Variants in TADA2A observed in about 807,000 individuals in gnomAD.
TADA2A encodes transcriptional adaptor 2A, also known as transcriptional adapter 2-alpha.
TADA2A carries 38 observed loss-of-function variants against 67.4 expected under a neutral mutation model. That is an observed-to-expected ratio of 0.56 (90% confidence interval 0.44 to 0.74). TADA2A has a LOEUF of 0.74. Among genes scored for constraint, TADA2A ranks in the 30% least tolerant of loss-of-function variants. The pLI, the probability that TADA2A is intolerant of heterozygous loss-of-function variation, is 0.00. For missense variants in TADA2A, 454 were observed against 547.0 expected (o/e 0.83, Z 1.70); for synonymous variants, 192 against 181.6 (o/e 1.06, Z -0.46).
chr17:37,432,925 A>ATTTTTTTTTTTTTTTT (rs1046006991), intron 4 of TADA2A, among the ~76,000 whole-genome samples: 1 of 52,208 alleles, frequency 1.9e-5, no homozygotes, highest in African/African-American at 7.4e-5. Flanking sequence ...TGGTATTACA[A>ATTTTTTTTTTTTTTTT]TTTTTTTTTT....
chr17:37,444,013 G>A (rs853200), intron 7 of TADA2A, among the ~76,000 whole-genome samples: 30,319 of 151,910 alleles, frequency 0.2, 3,452 homozygotes, highest in East Asian at 0.54. Context: ...TGAGGCAGGC[G>A]GATTGCTTGA....
chr17:37,469,880 T>A (rs2053748592), intron 12 of TADA2A, among the ~76,000 whole-genome samples: 1 of 152,208 alleles, frequency 6.6e-6, no homozygotes, highest in African/African-American at 2.4e-5. Flanking sequence ...TTTAGCAAGA[T>A]GCATATAGAG....
intron 8 of TADA2A, among the ~76,000 whole-genome samples, 162 bp downstream of exon 8, chr17:37,444,930 C>A (rs182815275): frequency 2.6e-5 from 4 of 152,124 alleles, no homozygotes; most frequent in Admixed American, 1.3e-4. Context: ...TGGATTTTGA[C>A]CACAGTGAAT....
rs186404158 is a variant in TADA2A at position 37,447,208 on chromosome 17, C to T, written c.604+2440C>T. Among the ~76,000 whole-genome samples, 27 of 152,282 alleles carry T rather than the reference C, an allele frequency of 1.8e-4. 1 individual carries two copies. The South Asian group carries it at 3.7e-3, about 21-fold the overall frequency. On this transcript the variant is annotated intron_variant, in intron 8 of 15. Transcript: ENST00000615182. The stretch of plus-strand genomic sequence containing the variant: ...ACAGACTCTCACCTTGTTAGCCAGG[C>T]GGGAGCGCAGTAGCGTGATCTTGGC...
chr17:37,422,481 G>GATTATTATTATTATTATTATT (rs60163170), intron 2 of TADA2A, among the ~76,000 whole-genome samples: 150 of 136,986 alleles, frequency 1.1e-3, no homozygotes, highest in Admixed American at 2.5e-3. Context: ...ATGCCCAGCT[G>GATTATTATTATTATTATTATT]ATTATTATTA....
chr17:37,423,392 C>A, intron 2 of TADA2A, 117 bp from the exon 3 acceptor site: 1 of 752,442 alleles, frequency 1.3e-6, no homozygotes, highest in Non-Finnish European at 2.1e-6. Flanking sequence ...ATCTTGTCTC[C>A]ATGAACTTTT....
chr17:37,427,086 TTTC>T (rs1362517817), intron 4 of TADA2A, 77 bp downstream of exon 4: 8 of 1,315,970 alleles, frequency 6.1e-6, no homozygotes, highest in Non-Finnish European at 7.3e-6. Context: ...CTTTTCCATT[TTTC>T]TTTAAGCTCT....
At position 37,445,697 on chromosome 17, in the gene TADA2A, C is replaced by G. The variant is rs371188305; in HGVS notation, c.604+929C>G. Among the ~76,000 whole-genome samples the G allele has an allele frequency of 1.1e-3, 172 of 151,288 alleles. 4 individuals are homozygous for G. The South Asian group carries it at 0.035, about 31-fold the overall frequency. On this transcript the variant is annotated intron_variant, in intron 8 of 15. Transcript: ENST00000615182. ...TAGACTTTGAGTCCCTTTTTTCCTT[C>G]TTTCCATTTTCAGTGAACTACATAC...
chr17:37,458,637 TTGTG>T (rs55935249), intron 9 of TADA2A, 50 bp downstream of exon 9: 203,381 of 955,446 alleles, frequency 0.21, 17,599 homozygotes, highest in East Asian at 0.44. Flanking sequence ...GATTATTGTT[TTGTG>T]TGTGTGTGTG....
Position 37,479,063 on chromosome 17 carries a change from C to T in TADA2A, c.*2081C>T, listed in dbSNP as rs2053941501. The T allele has an allele frequency of 1.3e-5, 2 of 152,100 alleles. No individual in the cohort carries two copies. The highest frequency in any genetic ancestry group is 6.5e-5 in the Admixed American group (1 of 15,274). 9.4% of individuals were successfully genotyped at this position (152,100 alleles called of 1,614,324 possible). A position where few individuals can be genotyped will look rare whatever the true frequency, so the allele number is the denominator to read the frequency against. ...TGCATTAGCCATCAGTGTTAGGTGA[C>T]GTCTGTTGTAGTCTGAAGAGTCCTT... On this transcript the variant is annotated 3_prime_UTR_variant, in exon 16 of 16. Transcript: ENST00000615182.
chr17:37,430,519 T>A (rs2052538918), intron 4 of TADA2A, among the ~76,000 whole-genome samples: 1 of 152,226 alleles, frequency 6.6e-6, no homozygotes, highest in Admixed American at 6.5e-5. Context: ...TATGCCTATT[T>A]TTGTCTTGTA....
At chr17:37,437,592 G>C in intron 4 of TADA2A, 146 bp from the exon 5 acceptor site, 1 of 611,008 alleles carries the variant, frequency 1.6e-6, no homozygotes, top group South Asian at 1.9e-5. Flanking sequence ...TCACCATATT[G>C]GCCAGGCTGG....
At chr17:37,431,117 G>C (rs1250103283) in intron 4 of TADA2A, among the ~76,000 whole-genome samples, 1 of 151,984 alleles carries the variant, frequency 6.6e-6, no homozygotes, top group South Asian at 2.1e-4. Flanking sequence ...GACCTCCTGT[G>C]TGGTCTTCAG....
At chr17:37,426,666 A>G (rs1310944487) in intron 3 of TADA2A, 10 of 83,918 alleles carry the variant, frequency 1.2e-4, no homozygotes, top group Middle Eastern at 6.3e-3. Context: ...TCCGTCTCAG[A>G]AAAAAAAAAA....
intron 4 of TADA2A, among the ~76,000 whole-genome samples, chr17:37,429,923 G>T (rs853222): frequency 0.2 from 30,399 of 152,150 alleles, 3,475 homozygotes; most frequent in East Asian, 0.55. Flanking sequence ...CAAAGTAGCT[G>T]TGGATTTGAG....
rs139472839 is a variant in TADA2A, at chr17:37,474,645, G to C, written c.1146+16G>C. 2.5e-4 allele frequency: 402 copies of C among 1,605,352 alleles called. 3 individuals are homozygous for C. The African/African-American group carries it at 4.4e-3, about 17-fold the overall frequency. On this transcript the variant is annotated intron_variant, in intron 15 of 15. Coordinates refer to ENST00000615182, the MANE Select transcript of TADA2A (RefSeq NM_001166105.3). ...AGAAAAGGAGGTAACAAAAGGGAGG[G>C]GGCTGGGAGAAAGAGAATAGGGGCT... is the stretch of plus-strand genomic sequence containing the variant.
chr17:37,439,926 A>T (rs867732411), intron 5 of TADA2A, among the ~76,000 whole-genome samples: 157 of 100,102 alleles, frequency 1.6e-3, no homozygotes, highest in African/African-American at 5.7e-3. Flanking sequence ...TTATTTATTT[A>T]TTTATTTATT....
chr17:37,437,485 C>G lies in TADA2A; in HGVS notation c.193-253C>G, dbSNP rs186732828. Among the ~76,000 whole-genome samples, 3 of 152,078 alleles carry G rather than the reference C, an allele frequency of 2.0e-5. No individual in the cohort carries two copies. In the East Asian group the frequency reaches 5.8e-4, roughly 29 times the overall value. On this transcript the variant is annotated intron_variant, in intron 4 of 15. Coordinates refer to ENST00000615182, the MANE Select transcript of TADA2A (RefSeq NM_001166105.3). ...CACTGCAACCTCTGCTTCCGCAGTT[C>G]AAGTGATTCTCCTGCCTCAGCCTCC...
chr17:37,430,083 G>A (rs2052525827), intron 4 of TADA2A, among the ~76,000 whole-genome samples: 1 of 152,196 alleles, frequency 6.6e-6, no homozygotes, highest in East Asian at 1.9e-4. Context: ...GGGTAGGTTG[G>A]TAGTCATGCT....
Sources: gnomAD v4.1 joint callset for allele counts (sites outside exome capture counted in the v4.1 genomes callset) on GRCh38, gnomAD v4.1.1 for gene constraint, MANE v1.5 for transcripts, NCBI Gene and HGNC (gene_info 2026-07-23, HGNC 2026-07-21) for gene names.